The following CNTNAP2 variants were observed in gnomAD, a reference collection of about 807,000 sequenced individuals.
The protein encoded by CNTNAP2 is contactin associated protein 2.
Under a neutral mutation model 155.2 loss-of-function variants are expected in CNTNAP2, and 98 were observed. The observed-to-expected ratio is 0.63, with a 90% CI of 0.54 to 0.75. The LOEUF (loss-of-function observed/expected upper bound fraction) is 0.75, where lower values mean the gene tolerates loss of function less well. Among genes scored for constraint, CNTNAP2 ranks in the 30% least tolerant of loss-of-function variants. The pLI, the probability that CNTNAP2 is intolerant of heterozygous loss-of-function variation, is 0.00. For missense variants in CNTNAP2, 1,727 were observed against 1,688.1 expected (o/e 1.02, Z -0.40); for synonymous variants, 651 against 631.2 (o/e 1.03, Z -0.47).
Position 146,297,925 on chromosome 7 carries a change from T to C in CNTNAP2, c.97+180952T>C, listed in dbSNP as rs145121019. Among the ~76,000 whole-genome samples, 502 of 152,310 alleles carry C rather than the reference T, an allele frequency of 3.3e-3. 2 individuals carry two copies. The highest frequency in any genetic ancestry group is 0.012 in the African/African-American group (485 of 41,576). On this transcript the variant is annotated intron_variant, in intron 1 of 23. Transcript: ENST00000361727. ...CACACGTAAATAAAAAAAACTTTATTATATGAACTGCTAGCACAAATATGT... is the reference window on the plus strand; with the variant it reads ...CACACGTAAATAAAAAAAACTTTATCATATGAACTGCTAGCACAAATATGT...
At chr7:147,385,730 T>C (rs773703909) in intron 9 of CNTNAP2, among the ~76,000 whole-genome samples, 2 of 152,218 alleles carry the variant, frequency 1.3e-5, no homozygotes, top group Non-Finnish European at 2.9e-5. Context: ...TCTGTGGCCT[T>C]TCCAGGCACA....
At chr7:146,472,816 G>A (rs941076247) in intron 1 of CNTNAP2, among the ~76,000 whole-genome samples, 1 of 151,760 alleles carries the variant, frequency 6.6e-6, no homozygotes, top group African/African-American at 2.4e-5. Context: ...ATCATACTTG[G>A]ACGATCCAAT....
At chr7:147,587,109 A>G (rs1800643807) in intron 12 of CNTNAP2, among the ~76,000 whole-genome samples, 1 of 152,200 alleles carries the variant, frequency 6.6e-6, no homozygotes, top group African/African-American at 2.4e-5. Flanking sequence ...ATTTAATTAC[A>G]TCCTGGGACC....
chr7:146,136,992 A>C (rs1416933833), intron 1 of CNTNAP2, among the ~76,000 whole-genome samples: 9 of 152,174 alleles, frequency 5.9e-5, no homozygotes, highest in African/African-American at 2.2e-4. Context: ...GGCACTTTTG[A>C]GTGATTACTA....
intron 21 of CNTNAP2, among the ~76,000 whole-genome samples, chr7:148,289,550 A>G (rs917035327): frequency 2.1e-5 from 3 of 145,544 alleles, no homozygotes; most frequent in Non-Finnish European, 4.5e-5. Context: ...AAGCAAAATG[A>G]TAATGTAAAT....
intron 10 of CNTNAP2, among the ~76,000 whole-genome samples, chr7:147,445,301 T>TA (rs1300704626): frequency 6.6e-6 from 1 of 152,214 alleles, no homozygotes; most frequent in South Asian, 2.1e-4. Context: ...AGCATTAATT[T>TA]AAAAAATATT....
chr7:148,302,888 G>A (rs1050633180), intron 21 of CNTNAP2, among the ~76,000 whole-genome samples: 4 of 134,916 alleles, frequency 3.0e-5, no homozygotes, highest in Non-Finnish European at 4.6e-5. Context: ...GCAGGATCTC[G>A]GCTCACTGCA....
intron 10 of CNTNAP2, among the ~76,000 whole-genome samples, chr7:147,405,393 A>G (rs1481617886): frequency 1.3e-5 from 2 of 152,150 alleles, no homozygotes; most frequent in East Asian, 1.9e-4. Flanking sequence ...TCACACTAAG[A>G]ATTCATTTAA....
intron 13 of CNTNAP2, among the ~76,000 whole-genome samples, chr7:147,742,309 G>A (rs1013114550): frequency 6.6e-6 from 1 of 152,190 alleles, no homozygotes; most frequent in Non-Finnish European, 1.5e-5. Context: ...ACATTTGAAT[G>A]CATGAATTGG....
chr7:146,734,298 A>AAT (rs1187990906), intron 1 of CNTNAP2, among the ~76,000 whole-genome samples: 1 of 152,122 alleles, frequency 6.6e-6, no homozygotes, highest in African/African-American at 2.4e-5. Context: ...TATTAATATA[A>AAT]ATATATAGAG....
chr7:148,191,868 T>C (rs913456715), intron 18 of CNTNAP2, among the ~76,000 whole-genome samples: 1 of 152,212 alleles, frequency 6.6e-6, no homozygotes, highest in African/African-American at 2.4e-5. Context: ...TACTTCTGTT[T>C]CCTTCCAGTG....
intron 3 of CNTNAP2, among the ~76,000 whole-genome samples, chr7:146,939,621 C>T (rs1286719433): frequency 6.6e-6 from 1 of 152,126 alleles, no homozygotes; most frequent in Non-Finnish European, 1.5e-5. Flanking sequence ...CCTTGATTCT[C>T]TTTTCCTTCA....
intron 12 of CNTNAP2, among the ~76,000 whole-genome samples, chr7:147,581,761 C>T (rs1800505041): frequency 6.6e-6 from 1 of 152,100 alleles, no homozygotes; most frequent in African/African-American, 2.4e-5. Flanking sequence ...TGAAATAAAA[C>T]AACAACAAAA....
intron 3 of CNTNAP2, among the ~76,000 whole-genome samples, chr7:146,959,588 C>A (rs1205509634): frequency 6.6e-6 from 1 of 151,294 alleles, no homozygotes; most frequent in Non-Finnish European, 1.5e-5. Context: ...GGCATGGTGG[C>A]AGACACCTGT....
intron 1 of CNTNAP2, among the ~76,000 whole-genome samples, chr7:146,525,551 T>C (rs1438851891): frequency 1.4e-5 from 2 of 146,818 alleles, no homozygotes; most frequent in Non-Finnish European, 2.9e-5. Flanking sequence ...TATCTATCTA[T>C]CTATCTATCT....
intron 11 of CNTNAP2, among the ~76,000 whole-genome samples, chr7:147,506,686 C>T (rs1798912594): frequency 6.6e-6 from 1 of 152,286 alleles, no homozygotes; most frequent in Non-Finnish European, 1.5e-5. Context: ...GAAGGTGTGA[C>T]TTGTTTAACC....
intron 1 of CNTNAP2, among the ~76,000 whole-genome samples, chr7:146,700,715 CAAT>C (rs1489005679): frequency 1.3e-5 from 2 of 151,772 alleles, no homozygotes; most frequent in African/African-American, 2.4e-5. Flanking sequence ...AGAAGAGAAA[CAAT>C]AAAATCCCAG....
intron 20 of CNTNAP2, among the ~76,000 whole-genome samples, chr7:148,230,121 C>T (rs988502420): frequency 3.9e-5 from 6 of 152,178 alleles, no homozygotes; most frequent in African/African-American, 1.4e-4. Context: ...TGAAACTTAC[C>T]GTGTTTCCCA....
At chr7:146,303,438 CTT>C (rs1015980460) in intron 1 of CNTNAP2, among the ~76,000 whole-genome samples, 12 of 151,924 alleles carry the variant, frequency 7.9e-5, no homozygotes, top group African/African-American at 2.2e-4. Context: ...GAAATCTACC[CTT>C]TTAAAATTTT....
Sources: allele counts gnomAD v4.1 joint callset (sites outside exome capture counted in the v4.1 genomes callset), GRCh38; gene constraint gnomAD v4.1.1; transcripts MANE v1.5; gene names NCBI Gene and HGNC (gene_info 2026-07-23, HGNC 2026-07-21).